KATNAL2: variants seen among roughly 807,000 people sequenced by gnomAD.
The protein encoded by KATNAL2 is katanin p60 ATPase-containing subunit A-like 2.
KATNAL2 carries 52 observed loss-of-function variants against 76.3 expected under a neutral mutation model. That is an observed-to-expected ratio of 0.68 (90% CI 0.55 to 0.86). The LOEUF (loss-of-function observed/expected upper bound fraction) is 0.86. Ranked by LOEUF, KATNAL2 falls within the 40% of genes least tolerant of loss-of-function variation. The pLI is 0.00. For missense variants in KATNAL2, 660 were observed against 668.9 expected (o/e 0.99, Z 0.15); for synonymous variants, 243 against 244.2 (o/e 1.00, Z 0.05).
chr18:46,943,418 A>G (rs2059301963), intron 1 of KATNAL2, among the ~76,000 whole-genome samples: 1 of 152,186 alleles, frequency 6.6e-6, no homozygotes, highest in Non-Finnish European at 1.5e-5. Context: ...CCTTGCTGAT[A>G]AAACAGGTTG....
At chr18:46,961,991 G>T (rs1044379606) in intron 3 of KATNAL2, among the ~76,000 whole-genome samples, 2 of 152,114 alleles carry the variant, frequency 1.3e-5, no homozygotes. Context: ...TTATCTTCAG[G>T]CATTAACATT....
chr18:46,946,949 A>T (rs1286406328), intron 3 of KATNAL2, 26 bp downstream of exon 3: 1 of 1,405,086 alleles, frequency 7.1e-7, no homozygotes, highest in Non-Finnish European at 9.7e-7. Flanking sequence ...ATAAAACATG[A>T]TTATACCAAG....
chr18:46,932,671 C>T (rs1258388626), intron 1 of KATNAL2, among the ~76,000 whole-genome samples: 1 of 61,098 alleles, frequency 1.6e-5, no homozygotes, highest in African/African-American at 8.4e-5. Context: ...AAGACTCTGT[C>T]TCAAAAAAAA....
At chr18:47,032,356 G>A (rs2060507726) in intron 3 of KATNAL2, among the ~76,000 whole-genome samples, 1 of 152,156 alleles carries the variant, frequency 6.6e-6, no homozygotes, top group Non-Finnish European at 1.5e-5. Flanking sequence ...AGGCAATCCT[G>A]CCACCTCAGC....
chr18:47,041,539 T>G (rs2147020608), intron 3 of KATNAL2, among the ~76,000 whole-genome samples: 1 of 152,364 alleles, frequency 6.6e-6, no homozygotes, highest in South Asian at 2.1e-4. Flanking sequence ...ATAGCTCATT[T>G]CTTTTAGCTC....
intron 4 of KATNAL2, among the ~76,000 whole-genome samples, 165 bp from the exon 5 acceptor site, chr18:47,052,715 T>C (rs2061370306): frequency 6.6e-6 from 1 of 152,358 alleles, no homozygotes; most frequent in African/African-American, 2.4e-5. Context: ...TTAACAAATA[T>C]GGGGCTCTTT....
At chr18:47,083,460 T>C (rs1375478693) in intron 15 of KATNAL2, among the ~76,000 whole-genome samples, 2 of 152,218 alleles carry the variant, frequency 1.3e-5, no homozygotes, top group African/African-American at 2.4e-5. Context: ...GGCTATTCTT[T>C]ACTGCTGGTT....
intron 1 of KATNAL2, among the ~76,000 whole-genome samples, chr18:46,921,845 G>T (rs1369792421): frequency 1.3e-5 from 2 of 151,984 alleles, no homozygotes; most frequent in Non-Finnish European, 2.9e-5. Flanking sequence ...TTTCACATCT[G>T]TCTCTGAACC....
In KATNAL2 at chr18:47,046,496, A is replaced by G. The variant is rs1687528233; in HGVS notation, c.91A>G (p.Ile31Val). The change falls in exon 4 of 18, where the codon ATT becomes GTT. Residue 31 changes from isoleucine (I) to valine (V), a missense_variant. Ile to Val is a conservative substitution (Grantham distance 29). Coordinates refer to ENST00000683218, the MANE Select transcript of KATNAL2 (RefSeq NM_001387690.1). The stretch of plus-strand genomic sequence containing the variant: ...AGAAGCACGACGAAAAAATCTTCTC[A>G]TTTTGATTTCGCATTATTTAACACA... ...RTEARRKNLL[I>V]LISHYLTQEG... The G allele has an allele frequency of 6.5e-7, 1 of 1,535,970 alleles. No homozygotes were observed. Among genetic ancestry groups the G allele is most frequent in the Non-Finnish European group, 8.7e-7 (1 of 1,146,774 alleles).
intron 13 of KATNAL2, among the ~76,000 whole-genome samples, chr18:47,071,953 C>CTTTTTTTTTTTTTTTTTTT (rs574265545): frequency 2.3e-5 from 1 of 43,950 alleles, no homozygotes; most frequent in African/African-American, 1.2e-4. Flanking sequence ...CCAATTTCTT[C>CTTTTTTTTTTTTTTTTTTT]TTTTTTTTTT....
At chr18:47,084,628 C>T (rs1268830379) in intron 15 of KATNAL2, among the ~76,000 whole-genome samples, 2 of 151,864 alleles carry the variant, frequency 1.3e-5, no homozygotes, top group Non-Finnish European at 2.9e-5. Context: ...GTAGGCAGAT[C>T]ACTTGAGGTC....
intron 1 of KATNAL2, among the ~76,000 whole-genome samples, chr18:46,919,179 T>C (rs975670275): frequency 1.1e-4 from 16 of 151,568 alleles, no homozygotes; most frequent in Non-Finnish European, 2.9e-5. Flanking sequence ...GGTGAAACCC[T>C]GTCTCTACTA....
intron 3 of KATNAL2, among the ~76,000 whole-genome samples, chr18:47,044,494 C>T (rs1322917965): frequency 1.3e-5 from 2 of 152,180 alleles, no homozygotes; most frequent in Non-Finnish European, 1.5e-5. Flanking sequence ...TGCGGTGGCT[C>T]ACGCCTGTAA....
chr18:46,949,665 G>A (rs116404189), intron 3 of KATNAL2, among the ~76,000 whole-genome samples: 1,928 of 152,248 alleles, frequency 0.013, 37 homozygotes, highest in African/African-American at 0.043. Context: ...TAATTCTGGG[G>A]GTTATCCTTA....
At chr18:47,073,979 A>C (rs1407082414) in intron 13 of KATNAL2, among the ~76,000 whole-genome samples, 1 of 152,188 alleles carries the variant, frequency 6.6e-6, no homozygotes. Flanking sequence ...GAGCACCTTA[A>C]AAACATGTAC....
intron 7 of KATNAL2, 145 bp from the exon 8 acceptor site, chr18:47,059,411 C>T: frequency 1.5e-6 from 1 of 661,084 alleles, no homozygotes. Flanking sequence ...CCTGGGTCTG[C>T]ACAAATGTGG....
chr18:47,066,847 T>TC (rs2061812332), intron 10 of KATNAL2, among the ~76,000 whole-genome samples, 174 bp from the exon 11 acceptor site: 1 of 29,596 alleles, frequency 3.4e-5, no homozygotes, highest in Non-Finnish European at 6.5e-5. Context: ...ATATATGTGT[T>TC]TATATATATA....
In KATNAL2 at chr18:46,937,271, C is replaced by A. The variant is rs534916203; in HGVS notation, c.-509-8786C>A. ...AATTGAGAGGCATTCTACAAAATACCTGTCCAGTACTCCTAAAAATATAAA... is the reference window on the plus strand; with the variant it reads ...AATTGAGAGGCATTCTACAAAATACATGTCCAGTACTCCTAAAAATATAAA... On this transcript the variant is annotated intron_variant, in intron 1 of 17. Transcript: ENST00000683218. 7.9e-5 allele frequency among the ~76,000 whole-genome samples: 12 copies of A among 152,178 alleles called. No individual in the cohort carries two copies. In the East Asian group the frequency reaches 1.9e-3, roughly 24 times the overall value.
At chr18:46,934,817 A>T (rs1191534394) in intron 1 of KATNAL2, among the ~76,000 whole-genome samples, 1 of 152,100 alleles carries the variant, frequency 6.6e-6, no homozygotes, top group African/African-American at 2.4e-5. Flanking sequence ...TCTTGAATTA[A>T]TTTTTGTATA....
Sources: gnomAD v4.1 joint callset for allele counts (sites outside exome capture counted in the v4.1 genomes callset) on GRCh38, gnomAD v4.1.1 for gene constraint, MANE v1.5 for transcripts, NCBI Gene and HGNC (gene_info 2026-07-23, HGNC 2026-07-21) for gene names.